The following CDH13 variants were observed in gnomAD, a reference collection of about 807,000 sequenced individuals.
CDH13 encodes cadherin 13.
A neutral mutation model predicts 63.8 loss-of-function variants in CDH13; 24 were observed. The observed-to-expected ratio is 0.38, with a 90% CI of 0.27 to 0.53. The LOEUF (loss-of-function observed/expected upper bound fraction) is 0.53. Among genes scored for constraint, CDH13 ranks in the 20% least tolerant of loss-of-function variants. The pLI, the probability that CDH13 is intolerant of heterozygous loss-of-function variation, is 0.85. For missense variants in CDH13, 1,049 were observed against 903.1 expected, an observed-to-expected ratio of 1.16 and a Z score of -2.07; for synonymous variants, 503 against 355.3, an observed-to-expected ratio of 1.42 and a Z score of -4.67.
chr16:83,363,192 C>A (rs1216621276), intron 6 of CDH13, among the ~76,000 whole-genome samples: 2 of 152,198 alleles, frequency 1.3e-5, no homozygotes, highest in Non-Finnish European at 2.9e-5. Flanking sequence ...GCTTAAACAT[C>A]ACAGGTTGAT....
chr16:82,733,249 A>G (rs570802275), intron 1 of CDH13, among the ~76,000 whole-genome samples: 20 of 152,304 alleles, frequency 1.3e-4, no homozygotes, highest in Non-Finnish European at 2.4e-4. Flanking sequence ...TCCCCATTGC[A>G]TTGTCGATTG....
At chr16:82,676,396 G>A (rs1025016686) in intron 1 of CDH13, among the ~76,000 whole-genome samples, 1 of 149,470 alleles carries the variant, frequency 6.7e-6, no homozygotes, top group African/African-American at 2.5e-5. Flanking sequence ...TTAAAATTCT[G>A]TTGATTTTGT....
At chr16:83,466,010 G>C (rs1000471104) in intron 6 of CDH13, among the ~76,000 whole-genome samples, 7 of 152,182 alleles carry the variant, frequency 4.6e-5, no homozygotes, top group South Asian at 2.1e-4. Flanking sequence ...TTTCACAGCA[G>C]GTGTCATTCA....
chr16:82,692,135 T>C (rs1293978240), intron 1 of CDH13, among the ~76,000 whole-genome samples: 1 of 152,216 alleles, frequency 6.6e-6, no homozygotes, highest in East Asian at 1.9e-4. Flanking sequence ...TATACTGAAG[T>C]GCTGAAGGGA....
rs11150551 is a variant in CDH13 at position 83,220,891 on chromosome 16, A to G, written c.636+3394A>G. On this transcript the variant is annotated intron_variant, in intron 5 of 13. Coordinates refer to ENST00000567109, the MANE Select transcript of CDH13 (RefSeq NM_001257.5). The stretch of plus-strand genomic sequence containing the variant: ...GTCCTTGGGCCCCTGAAAGTGCATC[A>G]CCATTGAAGCTCCTGTTTATTGAAC... 1.4e-3 allele frequency among the ~76,000 whole-genome samples: 218 copies of G among 152,338 alleles called. 2 individuals are homozygous for G. Among genetic ancestry groups the G allele is most frequent in the African/African-American group, 4.8e-3 (200 of 41,580 alleles).
chr16:83,165,413 C>A (rs976781262), intron 4 of CDH13, among the ~76,000 whole-genome samples: 4 of 152,150 alleles, frequency 2.6e-5, no homozygotes, highest in East Asian at 1.9e-4. Context: ...TTCTAATTTG[C>A]TTTTGACCAC....
chr16:83,416,799 T>A (rs1195666022), intron 6 of CDH13, among the ~76,000 whole-genome samples: 1 of 152,190 alleles, frequency 6.6e-6, no homozygotes, highest in Non-Finnish European at 1.5e-5. Context: ...TAAATAGCTA[T>A]ATGTCTTTAA....
At chr16:83,727,943 G>C (rs1448872163) in intron 10 of CDH13, among the ~76,000 whole-genome samples, 2 of 152,216 alleles carry the variant, frequency 1.3e-5, no homozygotes, top group Non-Finnish European at 2.9e-5. Flanking sequence ...TATCAAGTTT[G>C]ACTGATGGAT....
chr16:83,091,866 C>T (rs1012825493), intron 3 of CDH13, among the ~76,000 whole-genome samples: 1 of 152,152 alleles, frequency 6.6e-6, no homozygotes, highest in East Asian at 1.9e-4. Flanking sequence ...ATCTTTACTC[C>T]AAAGGGTTTG....
intron 8 of CDH13, 128 bp from the exon 9 acceptor site, chr16:83,670,662 C>G (rs1381246517): frequency 1.1e-6 from 1 of 877,338 alleles, no homozygotes; most frequent in Non-Finnish European, 1.8e-6. Context: ...TATCTTCCAA[C>G]CGTAATCCTC....
intron 5 of CDH13, among the ~76,000 whole-genome samples, chr16:83,307,890 G>A (rs1418669356): frequency 6.6e-6 from 1 of 152,134 alleles, no homozygotes; most frequent in Non-Finnish European, 1.5e-5. Context: ...GCACTTCCAT[G>A]CTGAGATCTA....
At chr16:83,193,529 A>C (rs1270928937) in intron 4 of CDH13, among the ~76,000 whole-genome samples, 1 of 151,844 alleles carries the variant, frequency 6.6e-6, no homozygotes, top group Non-Finnish European at 1.5e-5. Context: ...AGGTATAAGG[A>C]CTCCTTTCTA....
At chr16:83,428,054 C>T (rs1238469683) in intron 6 of CDH13, among the ~76,000 whole-genome samples, 1 of 152,206 alleles carries the variant, frequency 6.6e-6, no homozygotes, top group Non-Finnish European at 1.5e-5. Flanking sequence ...TATATTTCCC[C>T]TTTGCAGATG....
At chr16:83,064,639 A>G (rs1177271066) in intron 3 of CDH13, among the ~76,000 whole-genome samples, 2 of 152,222 alleles carry the variant, frequency 1.3e-5, no homozygotes, top group African/African-American at 2.4e-5. Flanking sequence ...GAAATCCAGT[A>G]TGTTAGCTCA....
intron 6 of CDH13, among the ~76,000 whole-genome samples, chr16:83,431,759 C>G (rs1290527355): frequency 6.6e-6 from 1 of 152,020 alleles, no homozygotes; most frequent in Non-Finnish European, 1.5e-5. Context: ...AGGATAGCAC[C>G]AAGGGGATGG....
chr16:83,091,543 A>G (rs550608559), intron 3 of CDH13, among the ~76,000 whole-genome samples: 1 of 152,342 alleles, frequency 6.6e-6, no homozygotes, highest in Non-Finnish European at 1.5e-5. Context: ...GGGTACTGAA[A>G]TGAGCTCCAG....
rs560288896 is a variant in CDH13 at position 82,848,665 on chromosome 16, C to T, written c.46-9697C>T. 1.4e-4 allele frequency among the ~76,000 whole-genome samples: 21 copies of T among 152,008 alleles called. No homozygotes were observed. The South Asian group carries it at 3.3e-3, about 24-fold the overall frequency. On this transcript the variant is annotated intron_variant, in intron 1 of 13. Coordinates refer to ENST00000567109, the MANE Select transcript of CDH13 (RefSeq NM_001257.5). ...GTGCGTGTTCTGACTGTTCCACCAA[C>T]TGGCCCTTTACTCATCTGTCTCCTT... is the stretch of plus-strand genomic sequence containing the variant.
chr16:82,944,324 A>G (rs1165258308), intron 2 of CDH13, among the ~76,000 whole-genome samples: 1 of 152,024 alleles, frequency 6.6e-6, no homozygotes, highest in Non-Finnish European at 1.5e-5. Flanking sequence ...ATGGATTACT[A>G]CTCAACGTGT....
At chr16:83,146,962 C>T (rs1297096689) in intron 4 of CDH13, among the ~76,000 whole-genome samples, 1 of 152,080 alleles carries the variant, frequency 6.6e-6, no homozygotes, top group Non-Finnish European at 1.5e-5. Context: ...GTGGCACACA[C>T]TTGTAATCTC....
Sources: allele counts gnomAD v4.1 joint callset (sites outside exome capture counted in the v4.1 genomes callset), GRCh38; gene constraint gnomAD v4.1.1; transcripts MANE v1.5; gene names NCBI Gene and HGNC (gene_info 2026-07-23, HGNC 2026-07-21).